The following COL6A6 variants were observed in gnomAD, a reference collection of about 807,000 sequenced individuals.
The protein encoded by COL6A6 is collagen type VI alpha 6 chain, also known as collagen alpha-6(VI) chain.
Under a neutral mutation model 208.6 loss-of-function variants are expected in COL6A6, and 183 were observed. The observed-to-expected ratio is 0.88, with a 90% confidence interval of 0.78 to 0.99. COL6A6 has a LOEUF of 0.99. Among genes scored for constraint, COL6A6 ranks in the 50% least tolerant of loss-of-function variants. The pLI, the probability that COL6A6 is intolerant of heterozygous loss-of-function variation, is 0.00. For missense variants in COL6A6, 2,816 were observed against 2,815.2 expected (o/e 1.00, Z -0.01); for synonymous variants, 973 against 1,011.8 (o/e 0.96, Z 0.73).
chr3:130,643,114 C>T (rs1576384464), intron 31 of COL6A6, 91 bp downstream of exon 31: 1 of 1,385,464 alleles, frequency 7.2e-7, no homozygotes, highest in Non-Finnish European at 1.0e-6. Context: ...ATTCACCAGC[C>T]AATTTCTTAA....
intron 32 of COL6A6, 74 bp downstream of exon 32, chr3:130,645,076 C>A: frequency 7.1e-7 from 1 of 1,411,016 alleles, no homozygotes; most frequent in Non-Finnish European, 1.0e-6. Context: ...TGAGTTAGAG[C>A]AATGTATTGG....
At chr3:130,524,940 T>A (rs1252296260) in intron 1 of COL6A6, among the ~76,000 whole-genome samples, 1 of 152,222 alleles carries the variant, frequency 6.6e-6, no homozygotes, top group Non-Finnish European at 1.5e-5. Flanking sequence ...AAGAGATGAA[T>A]GACTTCAGCT....
chr3:130,639,318 A>T (rs1187770613), intron 28 of COL6A6, among the ~76,000 whole-genome samples: 2 of 151,976 alleles, frequency 1.3e-5, no homozygotes, highest in Non-Finnish European at 2.9e-5. Flanking sequence ...CCTGCATTTT[A>T]TTTTCCTTTC....
At chr3:130,569,668 A>C (rs1488758680) in intron 6 of COL6A6, among the ~76,000 whole-genome samples, 7 of 152,204 alleles carry the variant, frequency 4.6e-5, no homozygotes, top group Admixed American at 3.3e-4. Context: ...AACAAATATG[A>C]ACTTTCTGAA....
intron 1 of COL6A6, among the ~76,000 whole-genome samples, chr3:130,530,416 T>C (rs574070446): frequency 6.6e-6 from 1 of 152,346 alleles, no homozygotes; most frequent in Admixed American, 6.5e-5. Flanking sequence ...AGCATTCTCA[T>C]CTATCAAATG....
chr3:130,605,104 A>G (rs915820241), intron 20 of COL6A6, among the ~76,000 whole-genome samples: 3 of 152,128 alleles, frequency 2.0e-5, no homozygotes, highest in Non-Finnish European at 4.4e-5. Flanking sequence ...TTTCTACTTC[A>G]TAGCTTAGGC....
intron 33 of COL6A6, among the ~76,000 whole-genome samples, chr3:130,655,549 A>T (rs558464769): frequency 6.6e-6 from 1 of 152,288 alleles, no homozygotes; most frequent in South Asian, 2.1e-4. Context: ...CTCACCCATG[A>T]TCCCAGTTGC....
chr3:130,666,234 A>G (rs1301322688), intron 36 of COL6A6, among the ~76,000 whole-genome samples: 3 of 152,188 alleles, frequency 2.0e-5, no homozygotes, highest in African/African-American at 7.2e-5. Context: ...GCTAATATAA[A>G]TGATATTTGG....
intron 33 of COL6A6, among the ~76,000 whole-genome samples, chr3:130,653,475 A>AT (rs769755457): frequency 4.8e-4 from 73 of 152,180 alleles, no homozygotes; most frequent in South Asian, 8.3e-4. Flanking sequence ...TATTCATTGT[A>AT]TTTTTTCTTA....
chr3:130,535,937 C>G lies in COL6A6; in HGVS notation c.-32+18540C>G, dbSNP rs1032706522. On this transcript the variant is annotated intron_variant, in intron 1 of 36. Transcript: ENST00000358511. ...TAGAAAAGTTACCTAGCTTCTGAGC[C>G]TCAACTCCTCATCTGGAAAGTGGAG... is the stretch of plus-strand genomic sequence containing the variant. 2.0e-5 allele frequency among the ~76,000 whole-genome samples: 3 copies of G among 152,174 alleles called. No homozygotes were observed. The East Asian group carries it at 5.8e-4, about 29-fold the overall frequency.
rs2065948768 is a variant in COL6A6, at chr3:130,662,055, A to G, written c.6249A>G (p.Lys2083=). 1 of 1,614,058 alleles carries G rather than the reference A, an allele frequency of 6.2e-7. No homozygotes were observed. Residue 2083 remains lysine (K), a synonymous_variant, in exon 35 of 37, where the codon AAA becomes AAG. Transcript: ENST00000358511. ...FLSTPNLRRN[K]VIFVISAGET... Reference sequence around the variant, plus strand: ...GTACACCCAATCTGAGAAGAAACAAAGTCATATTTGTGATATCTGCTGGGG... The same window carrying G: ...GTACACCCAATCTGAGAAGAAACAAGGTCATATTTGTGATATCTGCTGGGG...
At position 130,586,424 on chromosome 3, in the gene COL6A6, G is replaced by C. The variant is rs1577795089; in HGVS notation, c.3971-82G>C. The C allele has an allele frequency of 1.1e-5, 14 of 1,285,460 alleles. No homozygotes were observed. The East Asian group carries it at 3.3e-4, about 30-fold the overall frequency. The allele number at this position is 1,285,460 out of a possible 1,614,324, so 79.6% of individuals were successfully genotyped here. On this transcript the variant is annotated intron_variant, in intron 10 of 36. Transcript: ENST00000358511. Reference sequence around the variant, plus strand: ...TGTTCTTCTTGCAGCTGTTCACTGAGAATAACAATTTAAATATGCTTGCAA... The same window carrying C: ...TGTTCTTCTTGCAGCTGTTCACTGACAATAACAATTTAAATATGCTTGCAA...
rs1191838971 is a variant in COL6A6, at chr3:130,566,806, G to T, written c.1387G>T (p.Val463Leu). 1 of 1,614,034 alleles carries T rather than the reference G, an allele frequency of 6.2e-7. No homozygotes were observed. The change falls in exon 5 of 37, where the codon GTA becomes TTA. Residue 463 changes from valine (V) to leucine (L), a missense_variant. Val to Leu is a conservative substitution (Grantham distance 32). Coordinates refer to ENST00000358511, the MANE Select transcript of COL6A6 (RefSeq NM_001102608.3). Reference sequence around the variant, plus strand: ...AATGAAGACGTTCCTGTCAGAGGTGGTAGGGATGTTCAACATTGCTCCCCA... The same window carrying T: ...AATGAAGACGTTCCTGTCAGAGGTGTTAGGGATGTTCAACATTGCTCCCCA... ...HEMKTFLSEV[V>L]GMFNIAPHKV...
At chr3:130,643,045 A>T in intron 31 of COL6A6, 22 bp downstream of exon 31, 1 of 1,610,776 alleles carries the variant, frequency 6.2e-7, no homozygotes, top group Middle Eastern at 1.7e-4. Context: ...GCTTAAAATG[A>T]TCACCCAAGT....
intron 1 of COL6A6, among the ~76,000 whole-genome samples, chr3:130,523,217 G>A (rs1711178153): frequency 6.6e-6 from 1 of 151,852 alleles, no homozygotes; most frequent in African/African-American, 2.4e-5. Flanking sequence ...TCTCAACCTG[G>A]CTAACTGCTT....
intron 1 of COL6A6, among the ~76,000 whole-genome samples, chr3:130,556,038 C>A (rs2062761209): frequency 6.6e-6 from 1 of 152,060 alleles, no homozygotes; most frequent in Non-Finnish European, 1.5e-5. Flanking sequence ...CCCCTGCAAC[C>A]CTCCTGCCCT....
intron 36 of COL6A6, among the ~76,000 whole-genome samples, chr3:130,669,386 C>G (rs968596816): frequency 6.6e-6 from 1 of 151,588 alleles, no homozygotes; most frequent in Non-Finnish European, 1.5e-5. Flanking sequence ...GAGTGAGACT[C>G]TGTCTCAAAA....
intron 1 of COL6A6, among the ~76,000 whole-genome samples, chr3:130,528,271 G>A (rs1009811886): frequency 2.6e-5 from 4 of 152,146 alleles, no homozygotes; most frequent in African/African-American, 4.8e-5. Flanking sequence ...GTGGCCAGAT[G>A]GGCATGGGGC....
At chr3:130,641,793 C>A in intron 29 of COL6A6, 79 bp downstream of exon 29, 3 of 786,218 alleles carry the variant, frequency 3.8e-6, no homozygotes, top group Non-Finnish European at 6.1e-6. Context: ...TCTTCATTGT[C>A]CAAATGTGCA....
Sources: gnomAD v4.1 joint callset for allele counts (sites outside exome capture counted in the v4.1 genomes callset) on GRCh38, gnomAD v4.1.1 for gene constraint, MANE v1.5 for transcripts, NCBI Gene and HGNC (gene_info 2026-07-23, HGNC 2026-07-21) for gene names.